TASP1: variants seen among roughly 807,000 people sequenced by gnomAD.
The protein encoded by TASP1 is taspase 1.
In TASP1, 16 loss-of-function variants were observed where a neutral mutation model predicts 56.6. The observed-to-expected ratio is 0.28, with a 90% CI of 0.19 to 0.43. The LOEUF is 0.43. TASP1 is among the 20% of genes least tolerant of loss of function. TASP1 has a pLI of 1.00. For synonymous variants in TASP1, 179 were observed against 184.2 expected, an observed-to-expected ratio of 0.97 and a Z score of 0.23; for missense variants, 393 against 511.6, an observed-to-expected ratio of 0.77 and a Z score of 2.24.
intron 10 of TASP1, among the ~76,000 whole-genome samples, chr20:13,511,521 A>T (rs1026491978): frequency 4.6e-5 from 7 of 152,160 alleles, no homozygotes; most frequent in African/African-American, 1.7e-4. Context: ...ATTTTATCAA[A>T]ACTACACCAA....
At chr20:13,618,757 A>G (rs1358659288) in intron 4 of TASP1, among the ~76,000 whole-genome samples, 1 of 152,246 alleles carries the variant, frequency 6.6e-6, no homozygotes, top group Non-Finnish European at 1.5e-5. Flanking sequence ...TCAAGTGAAT[A>G]AAAAACTTCA....
chr20:13,531,332 T>C (rs562053912), intron 9 of TASP1, among the ~76,000 whole-genome samples: 1 of 151,660 alleles, frequency 6.6e-6, no homozygotes, highest in East Asian at 2.0e-4. Flanking sequence ...ACTTAACCAG[T>C]AAACTCAACC....
At chr20:13,394,349 G>A (rs796081071) in intron 13 of TASP1, among the ~76,000 whole-genome samples, 9 of 143,768 alleles carry the variant, frequency 6.3e-5, no homozygotes, top group South Asian at 4.4e-4. Flanking sequence ...GGTAGCTCAC[G>A]CCTGTAATCC....
intron 10 of TASP1, among the ~76,000 whole-genome samples, chr20:13,518,411 C>T (rs996581151): frequency 2.6e-5 from 4 of 152,086 alleles, no homozygotes; most frequent in African/African-American, 9.7e-5. Flanking sequence ...CATGTATCTT[C>T]TAAAAGTATG....
the TASP1 span, among the ~76,000 whole-genome samples, chr20:13,341,580 C>A: frequency 6.6e-6 from 1 of 152,064 alleles, no homozygotes; most frequent in African/African-American, 2.4e-5. Flanking sequence ...TGGTCTCTTC[C>A]AATTCTGTAA....
At chr20:13,170,218 G>T in the TASP1 span, among the ~76,000 whole-genome samples, 1 of 152,096 alleles carries the variant, frequency 6.6e-6, no homozygotes, top group Admixed American at 6.6e-5. Context: ...AAGTTATGAG[G>T]GGATTAACAG....
At chr20:13,564,798 C>T (rs147504827) in intron 7 of TASP1, among the ~76,000 whole-genome samples, 2,614 of 151,670 alleles carry the variant, frequency 0.017, 82 homozygotes, top group African/African-American at 0.058. Context: ...GTCAGGAGTT[C>T]AAAACCAGCC....
At chr20:13,604,769 A>C (rs2048085673) in intron 4 of TASP1, among the ~76,000 whole-genome samples, 3 of 152,156 alleles carry the variant, frequency 2.0e-5, no homozygotes, top group Admixed American at 6.5e-5. Context: ...AAAGATTGAC[A>C]AAACTAAGTA....
chr20:13,385,388 G>C (rs534322517), downstream of TASP1, among the ~76,000 whole-genome samples: 1 of 152,326 alleles, frequency 6.6e-6, no homozygotes, highest in South Asian at 2.1e-4. Flanking sequence ...CACTGACTTA[G>C]TTGCGAACTT....
At chr20:13,567,069 A>T (rs1255218695) in intron 7 of TASP1, among the ~76,000 whole-genome samples, 1 of 152,202 alleles carries the variant, frequency 6.6e-6, no homozygotes, top group Non-Finnish European at 1.5e-5. Flanking sequence ...AATATGGTAC[A>T]TATACACCAT....
chr20:13,422,205 G>A (rs984805338), intron 12 of TASP1, among the ~76,000 whole-genome samples: 9 of 151,426 alleles, frequency 5.9e-5, no homozygotes, highest in African/African-American at 1.5e-4. Context: ...CGCGTGCCTC[G>A]GCCTCCCAAT....
At chr20:13,293,212 A>G in the TASP1 span, among the ~76,000 whole-genome samples, 1 of 151,802 alleles carries the variant, frequency 6.6e-6, no homozygotes, top group African/African-American at 2.4e-5. Context: ...CGTCTCAAAA[A>G]AAAAAAAAAA....
At position 13,399,969 on chromosome 20, in the gene TASP1, TC is replaced by T. The variant is rs200229759; in HGVS notation, c.1171-9518del. On this transcript the variant is annotated intron_variant, in intron 13 of 13. Coordinates refer to ENST00000337743, the MANE Select transcript of TASP1 (RefSeq NM_017714.3). ...TATGCCTGGAATGTTCTTGCCTTGC[TC>T]CCATAAATCCTCCAAGACTTTACTC... is the stretch of plus-strand genomic sequence containing the variant. Among the ~76,000 whole-genome samples, 3 of 152,198 alleles carry T rather than the reference TC, an allele frequency of 2.0e-5. No homozygotes were observed. In the East Asian group the frequency reaches 5.8e-4, roughly 29 times the overall value.
At chr20:13,386,828 C>A (rs879632558), downstream of TASP1, among the ~76,000 whole-genome samples, 21 of 152,252 alleles carry the variant, frequency 1.4e-4, no homozygotes, top group Non-Finnish European at 7.4e-5. Context: ...AAAATTCTAA[C>A]ATATTGATAT....
At chr20:13,375,304 A>G in the TASP1 span, among the ~76,000 whole-genome samples, 8 of 148,692 alleles carry the variant, frequency 5.4e-5, no homozygotes, top group Non-Finnish European at 8.9e-5. Flanking sequence ...TCATTGTTCA[A>G]CTCCCACCTA....
the TASP1 span, among the ~76,000 whole-genome samples, chr20:13,286,323 G>A: frequency 2.7e-4 from 41 of 151,828 alleles, no homozygotes; most frequent in African/African-American, 8.2e-4. Context: ...CAAAGTTCTC[G>A]GTGGGAGCAG....
chr20:13,173,294 C>T, the TASP1 span, among the ~76,000 whole-genome samples: 1 of 152,172 alleles, frequency 6.6e-6, no homozygotes, highest in Non-Finnish European at 1.5e-5. Context: ...GCTCCAACAC[C>T]AACTTCATTT....
At chr20:13,222,220 G>A in the TASP1 span, among the ~76,000 whole-genome samples, 2 of 152,156 alleles carry the variant, frequency 1.3e-5, no homozygotes, top group Non-Finnish European at 2.9e-5. Context: ...CAGAGGAAGT[G>A]TGGAGAATGT....
chr20:13,569,447 A>G (rs2046640965), intron 7 of TASP1, 60 bp downstream of exon 7: 1 of 1,297,722 alleles, frequency 7.7e-7, no homozygotes, highest in African/African-American at 1.5e-5. Context: ...TAACAGAAGC[A>G]ATATTATACT....
Sources: gnomAD v4.1 joint callset for allele counts (sites outside exome capture counted in the v4.1 genomes callset) on GRCh38, gnomAD v4.1.1 for gene constraint, MANE v1.5 for transcripts, NCBI Gene and HGNC (gene_info 2026-07-23, HGNC 2026-07-21) for gene names.